Variants in PACS2 observed in about 807,000 individuals in gnomAD.
The protein encoded by PACS2 is phosphofurin acidic cluster sorting protein 2, also known as PACS1-like protein.
PACS2 carries 36 observed loss-of-function variants against 113.0 expected under a neutral mutation model. The observed-to-expected ratio is 0.32, with a 90% CI of 0.24 to 0.42. The LOEUF is 0.42. PACS2 is among the 10% of genes least tolerant of loss of function. The probability of loss-of-function intolerance (pLI) is 1.00; values close to 1 mark genes in which losing one functional copy is unlikely to be tolerated. For synonymous variants in PACS2, 589 were observed against 536.1 expected, an observed-to-expected ratio of 1.10 and a Z score of -1.36; for missense variants, 1,015 against 1,239.5, an observed-to-expected ratio of 0.82 and a Z score of 2.72.
intron 8 of PACS2, among the ~76,000 whole-genome samples, chr14:105,373,070 TAAAG>T (rs1313683214): frequency 6.6e-6 from 1 of 152,218 alleles, no homozygotes; most frequent in Non-Finnish European, 1.5e-5. Flanking sequence ...AAACATTTTT[TAAAG>T]AAAGAAGATA....
At chr14:105,381,367 C>A (rs2080988682) in intron 12 of PACS2, among the ~76,000 whole-genome samples, 1 of 152,260 alleles carries the variant, frequency 6.6e-6, no homozygotes, top group Admixed American at 6.5e-5. Flanking sequence ...GCCCCCACAT[C>A]CCCCTGAGTA....
rs1555405150 is a variant in PACS2, at chr14:105,355,313, C to T, written c.423+136C>T. ...GTGAAAATGATGAGAGGAGCCTGGGCGGCCGGGCTCCGCCATAAGGGCCAG... is the reference window on the plus strand; with the variant it reads ...GTGAAAATGATGAGAGGAGCCTGGGTGGCCGGGCTCCGCCATAAGGGCCAG... On this transcript the variant is annotated intron_variant, in intron 4 of 24. Coordinates refer to ENST00000447393, the MANE Select transcript of PACS2 (RefSeq NM_001100913.3). This position sits in a 1 kb window ranked among gnomAD's most constrained non-coding sequence, Gnocchi z 4.1. 34 of 1,096,796 alleles carry T rather than the reference C, an allele frequency of 3.1e-5. No homozygotes were observed. Among genetic ancestry groups the T allele is most frequent in the Admixed American group, 2.9e-5 (1 of 34,112 alleles). 67.9% of individuals were successfully genotyped at this position (1,096,796 alleles called of 1,614,324 possible).
chr14:105,311,108 A>G (rs2058340488), upstream of PACS2, among the ~76,000 whole-genome samples: 1 of 151,936 alleles, frequency 6.6e-6, no homozygotes, highest in South Asian at 2.1e-4. Context: ...GCGCACCATC[A>G]TGCCCCACTA....
chr14:105,392,830 GAGA>G lies in PACS2; in HGVS notation c.2472_2474del (p.Lys824del), dbSNP rs1555415334. The stretch of plus-strand genomic sequence containing the variant: ...CATGTCCATGACCGTGGTCACCAAG[GAGA>G]AGAACAAGAAGGGTGAGGTGGGGCA... On this transcript the variant is annotated inframe_deletion, in exon 23 of 25. Coordinates refer to ENST00000447393, the MANE Select transcript of PACS2 (RefSeq NM_001100913.3). 1 of 1,603,956 alleles carries G rather than the reference GAGA, an allele frequency of 6.2e-7. No homozygotes were observed. The highest frequency in any genetic ancestry group is 1.7e-5 in the Admixed American group (1 of 60,018).
intron 2 of PACS2, among the ~76,000 whole-genome samples, chr14:105,349,640 A>G (rs1464812995): frequency 3.9e-5 from 6 of 152,376 alleles, no homozygotes; most frequent in East Asian, 1.9e-4. Flanking sequence ...GTCCCAGTCA[A>G]TTGCCACTAT....
intron 15 of PACS2, 197 bp downstream of exon 15, chr14:105,383,110 C>G: frequency 1.6e-6 from 1 of 624,404 alleles, no homozygotes; most frequent in Non-Finnish European, 2.9e-6. Context: ...TGGTGGGTGT[C>G]CTGCCACACT....
At chr14:105,349,139 A>T (rs1226284973) in intron 2 of PACS2, among the ~76,000 whole-genome samples, 1 of 152,200 alleles carries the variant, frequency 6.6e-6, no homozygotes, top group Non-Finnish European at 1.5e-5. Flanking sequence ...CTTGGGGTAG[A>T]GCTGCCATGA....
intron 24 of PACS2, chr14:105,394,193 G>A: frequency 1.0e-6 from 1 of 985,378 alleles, no homozygotes; most frequent in Non-Finnish European, 1.2e-6. Context: ...CTGTTTTAAG[G>A]GGGCTCCCAC....
intron 7 of PACS2, among the ~76,000 whole-genome samples, chr14:105,369,517 C>T (rs1255574890): frequency 3.3e-5 from 5 of 152,222 alleles, no homozygotes; most frequent in Non-Finnish European, 7.4e-5. Context: ...CACCTTCCTT[C>T]TGGGGTCGGC....
Position 105,333,237 on chromosome 14 carries a change from C to T in PACS2, c.120-15256C>T, listed in dbSNP as rs587656237. ...ATGTGCTCCTGGTTCCCTCTCTTCA[C>T]CTGACAGCTGGAGTCATCCTCCTGC... On this transcript the variant is annotated intron_variant, in intron 1 of 24. Transcript: ENST00000447393. Among the ~76,000 whole-genome samples, 5 of 152,350 alleles carry T rather than the reference C, an allele frequency of 3.3e-5. No homozygotes were observed. In the South Asian group the frequency reaches 1.0e-3, roughly 32 times the overall value.
chr14:105,341,462 C>T (rs587669569), intron 1 of PACS2, among the ~76,000 whole-genome samples: 19 of 152,250 alleles, frequency 1.2e-4, no homozygotes, highest in African/African-American at 3.6e-4. Flanking sequence ...GCTTCACTTT[C>T]GTTGCTGTTG....
chr14:105,364,898 A>G (rs1295421586), intron 4 of PACS2, among the ~76,000 whole-genome samples: 2 of 151,998 alleles, frequency 1.3e-5, no homozygotes, highest in Admixed American at 6.6e-5. Flanking sequence ...GAGTTTCGCC[A>G]TGTTGCCCAG....
intron 4 of PACS2, among the ~76,000 whole-genome samples, chr14:105,363,641 G>C (rs1489775462): frequency 6.6e-6 from 1 of 152,134 alleles, no homozygotes; most frequent in African/African-American, 2.4e-5. Flanking sequence ...TCTCCACACC[G>C]TCACTGAGGC....
chr14:105,367,313 C>G lies in PACS2; in HGVS notation c.524C>G (p.Ser175Cys). ...KAAEIWIASL[S>C]SQPIDHEDST... ...GCCGAGATCTGGATCGCCTCCCTGT[C>G]CAGCCAGCCCATTGACCACGAAGAC... The change falls in exon 5 of 25, where the codon TCC (serine) becomes TGC (cysteine). Residue 175 changes from serine (S) to cysteine (C), a missense_variant. By Grantham distance (112) the Ser-to-Cys change is moderately radical. Coordinates refer to ENST00000447393, the MANE Select transcript of PACS2 (RefSeq NM_001100913.3). 1 of 1,613,382 alleles carries G rather than the reference C, an allele frequency of 6.2e-7. No homozygotes were observed. The highest frequency in any genetic ancestry group is 8.5e-7 in the Non-Finnish European group (1 of 1,179,998).
At chr14:105,322,822 C>G (rs896905309) in intron 1 of PACS2, among the ~76,000 whole-genome samples, 3 of 152,212 alleles carry the variant, frequency 2.0e-5, no homozygotes, top group Non-Finnish European at 4.4e-5. Context: ...AATCATTTTC[C>G]TTCTTCTGTT....
intron 1 of PACS2, among the ~76,000 whole-genome samples, chr14:105,344,251 GT>G (rs797043076): frequency 1.5e-3 from 223 of 149,682 alleles, no homozygotes; most frequent in Non-Finnish European, 2.6e-3. Flanking sequence ...TTGCCTGGAA[GT>G]TTTTTTTTGT....
intron 8 of PACS2, chr14:105,370,999 T>A (rs1361536097): frequency 6.6e-6 from 1 of 152,296 alleles, no homozygotes; most frequent in Non-Finnish European, 1.5e-5. Context: ...GATGGCGCTG[T>A]GTCCTAACAT....
intron 1 of PACS2, among the ~76,000 whole-genome samples, chr14:105,347,369 A>G (rs2059980381): frequency 6.6e-6 from 1 of 152,030 alleles, no homozygotes; most frequent in South Asian, 2.1e-4. Flanking sequence ...TCCCACCGCC[A>G]TGTCCACACC....
At chr14:105,362,242 CA>C (rs1291217191) in intron 4 of PACS2, among the ~76,000 whole-genome samples, 32 of 151,014 alleles carry the variant, frequency 2.1e-4, no homozygotes, top group Admixed American at 5.9e-4. Context: ...CACAGTGAAA[CA>C]CCGTCTCTAC....
Sources: gnomAD v4.1 joint callset for allele counts (sites outside exome capture counted in the v4.1 genomes callset) on GRCh38, gnomAD v4.1.1 for gene constraint, Gnocchi (gnomAD v3.1) non-coding constraint, MANE v1.5 for transcripts, NCBI Gene and HGNC (gene_info 2026-07-23, HGNC 2026-07-21) for gene names.